Variants in DAB1 observed in about 807,000 individuals in gnomAD.
DAB1 encodes the protein disabled homolog 1.
DAB1 carries 15 observed loss-of-function variants against 64.6 expected under a neutral mutation model. The observed-to-expected ratio is 0.23, with a 90% CI of 0.16 to 0.36. The LOEUF (loss-of-function observed/expected upper bound fraction) is 0.36. DAB1 is among the 10% of genes least tolerant of loss of function. The pLI is 1.00. For synonymous variants in DAB1, 235 were observed against 251.9 expected, an observed-to-expected ratio of 0.93 and a Z score of 0.64; for missense variants, 596 against 706.7, an observed-to-expected ratio of 0.84 and a Z score of 1.78.
At chr1:58,433,090 C>T (rs1263733018) in intron 3 of DAB1, among the ~76,000 whole-genome samples, 1 of 152,164 alleles carries the variant, frequency 6.6e-6, no homozygotes, top group Non-Finnish European at 1.5e-5. Flanking sequence ...GCTTGAGCAG[C>T]CAAGAGGGGC....
chr1:57,070,283 C>T (rs898192682), intron 7 of DAB1, among the ~76,000 whole-genome samples: 2 of 152,180 alleles, frequency 1.3e-5, no homozygotes, highest in African/African-American at 4.8e-5. Context: ...TCAAGATTTT[C>T]CTTTGTGTTC....
intron 4 of DAB1, among the ~76,000 whole-genome samples, chr1:58,327,767 TG>T (rs1454113191): frequency 6.6e-6 from 1 of 152,158 alleles, no homozygotes; most frequent in Non-Finnish European, 1.5e-5. Context: ...GAGACCAGCC[TG>T]GCCAACATAG....
intron 2 of DAB1, among the ~76,000 whole-genome samples, chr1:57,169,996 CTTTCTT>C (rs1457771051): frequency 1.5e-5 from 2 of 137,054 alleles, no homozygotes; most frequent in East Asian, 2.0e-4. Context: ...TTCTTTCTTT[CTTTCTT>C]TTTTTTTTTT....
intron 2 of DAB1, among the ~76,000 whole-genome samples, chr1:57,184,752 A>AAC (rs374012014): frequency 6.6e-6 from 1 of 152,016 alleles, no homozygotes; most frequent in African/African-American, 2.4e-5. Flanking sequence ...ACCACACAGC[A>AAC]ACACACACAC....
intron 3 of DAB1, among the ~76,000 whole-genome samples, chr1:57,141,119 A>G (rs1314165301): frequency 1.3e-5 from 2 of 152,208 alleles, no homozygotes; most frequent in Non-Finnish European, 2.9e-5. Context: ...TCCATTCTCC[A>G]TTCTCAGTTC....
At chr1:57,761,759 C>T (rs910457370) in intron 6 of DAB1, among the ~76,000 whole-genome samples, 12 of 152,202 alleles carry the variant, frequency 7.9e-5, no homozygotes, top group Non-Finnish European at 1.5e-4. Context: ...CATTGTGACA[C>T]GTGGGCCCAG....
intron 4 of DAB1, among the ~76,000 whole-genome samples, chr1:57,110,726 A>G (rs957998592): frequency 6.6e-6 from 1 of 152,178 alleles, no homozygotes; most frequent in Non-Finnish European, 1.5e-5. Flanking sequence ...AATCATTTAC[A>G]TCTATTGACT....
At chr1:57,310,563 A>C (rs903824528) in intron 1 of DAB1, among the ~76,000 whole-genome samples, 5 of 152,146 alleles carry the variant, frequency 3.3e-5, no homozygotes, top group African/African-American at 1.2e-4. Flanking sequence ...CCAGAAGGCT[A>C]GGGTTTTCCG....
At chr1:58,522,165 A>C (rs1057513864) in intron 2 of DAB1, among the ~76,000 whole-genome samples, 13 of 152,206 alleles carry the variant, frequency 8.5e-5, no homozygotes, top group African/African-American at 2.2e-4. Context: ...CAATACAGGC[A>C]GAAAATGCAG....
intron 2 of DAB1, among the ~76,000 whole-genome samples, chr1:57,154,452 A>T (rs116260470): frequency 0.068 from 10,319 of 152,268 alleles, 1,142 homozygotes; most frequent in African/African-American, 0.24. Flanking sequence ...GATGGACAAC[A>T]AATAAGGTTG....
intron 5 of DAB1, among the ~76,000 whole-genome samples, chr1:58,025,248 T>A (rs1231139509): frequency 6.6e-6 from 1 of 152,206 alleles, no homozygotes; most frequent in East Asian, 1.9e-4. Context: ...TTGCTGGAAG[T>A]GTTTTCGTGG....
chr1:57,252,700 G>A (rs1669444234), intron 2 of DAB1, among the ~76,000 whole-genome samples: 2 of 152,128 alleles, frequency 1.3e-5, no homozygotes, highest in Non-Finnish European at 2.9e-5. Flanking sequence ...ACTGAGAAGG[G>A]CACCCAACCC....
At chr1:57,923,590 T>A (rs1483003721) in intron 5 of DAB1, among the ~76,000 whole-genome samples, 1 of 152,196 alleles carries the variant, frequency 6.6e-6, no homozygotes, top group East Asian at 1.9e-4. Context: ...AGAGACTAAG[T>A]CTGAAGTGAA....
chr1:57,889,303 A>G (rs151068563), intron 5 of DAB1, among the ~76,000 whole-genome samples: 267 of 152,362 alleles, frequency 1.8e-3, no homozygotes, highest in African/African-American at 5.1e-3. Context: ...TTATCAGTAT[A>G]TCTAACAGGC....
intron 2 of DAB1, among the ~76,000 whole-genome samples, chr1:57,206,621 G>T (rs368981447): frequency 2.0e-5 from 3 of 152,096 alleles, no homozygotes; most frequent in Non-Finnish European, 4.4e-5. Flanking sequence ...GCTCAAAAAC[G>T]GAGTTGAAGC....
intron 4 of DAB1, among the ~76,000 whole-genome samples, chr1:58,235,562 T>C (rs1369963640): frequency 6.6e-6 from 1 of 152,086 alleles, no homozygotes; most frequent in Non-Finnish European, 1.5e-5. Context: ...AAAGAGTGTG[T>C]GTGGGTATAT....
chr1:57,089,504 A>C (rs1227073480), intron 4 of DAB1, among the ~76,000 whole-genome samples: 3 of 151,848 alleles, frequency 2.0e-5, no homozygotes, highest in Admixed American at 2.0e-4. Flanking sequence ...GCTTTTACTC[A>C]TGGCGGAAGG....
At chr1:57,891,958 C>T (rs1462040912) in intron 5 of DAB1, among the ~76,000 whole-genome samples, 7 of 152,114 alleles carry the variant, frequency 4.6e-5, no homozygotes, top group Non-Finnish European at 7.4e-5. Flanking sequence ...CAAACGTGCA[C>T]GTTCTGCACA....
intron 3 of DAB1, among the ~76,000 whole-genome samples, chr1:58,431,562 A>G (rs1644873735): frequency 6.7e-6 from 1 of 149,754 alleles, no homozygotes. Context: ...CATCTGGAAA[A>G]AAAAAAAAAA....
Sources: gnomAD v4.1 joint callset for allele counts (sites outside exome capture counted in the v4.1 genomes callset) on GRCh38, gnomAD v4.1.1 for gene constraint, MANE v1.5 for transcripts, NCBI Gene and HGNC (gene_info 2026-07-23, HGNC 2026-07-21) for gene names.